MYOZ3: variants seen among roughly 807,000 people sequenced by gnomAD.
The protein encoded by MYOZ3 is myozenin 3.
Under a neutral mutation model 26.5 loss-of-function variants are expected in MYOZ3, and 19 were observed. That is an observed-to-expected ratio of 0.72 (90% CI 0.50 to 1.05). The LOEUF is 1.05. MYOZ3 is among the 50% of genes least tolerant of loss of function. The pLI is 0.00. For synonymous variants in MYOZ3, 135 were observed against 138.8 expected (o/e 0.97, Z 0.19); for missense variants, 322 against 337.1 (o/e 0.96, Z 0.35).
intron 2 of MYOZ3, among the ~76,000 whole-genome samples, chr5:150,666,348 T>C (rs2151444736): frequency 6.6e-6 from 1 of 152,058 alleles, no homozygotes; most frequent in African/African-American, 2.4e-5. Context: ...GCGCGGTGGC[T>C]CACACCTGTA....
intron 6 of MYOZ3, among the ~76,000 whole-genome samples, chr5:150,674,478 A>G (rs934986830): frequency 6.6e-6 from 1 of 152,240 alleles, no homozygotes; most frequent in African/African-American, 2.4e-5. Flanking sequence ...CTGGGCTCCC[A>G]GTCAAGGGCC....
At chr5:150,664,491 A>G (rs999815780) in intron 2 of MYOZ3, among the ~76,000 whole-genome samples, 3 of 152,234 alleles carry the variant, frequency 2.0e-5, no homozygotes, top group Admixed American at 6.5e-5. Context: ...AATAAATCTC[A>G]TAATCTCACT....
chr5:150,672,124 C>G, intron 5 of MYOZ3: 1 of 1,035,144 alleles, frequency 9.7e-7, no homozygotes, highest in Non-Finnish European at 1.5e-6. Context: ...ACCCGCGCTG[C>G]GAACTCGTGG....
chr5:150,672,531 A>G (rs747722620), intron 6 of MYOZ3, 29 bp downstream of exon 6: 2 of 1,530,068 alleles, frequency 1.3e-6, no homozygotes, highest in Non-Finnish European at 1.8e-6. Context: ...CCCGGGGGAC[A>G]GACCGGGAGG....
Position 150,670,487 on chromosome 5 carries a change from C to G in MYOZ3, c.65C>G (p.Pro22Arg), listed in dbSNP as rs143471903. The change falls in exon 3 of 7, where the codon CCT (proline) becomes CGT (arginine). Residue 22 changes from proline (P) to arginine (R), a missense_variant. Pro to Arg is a moderately radical substitution (Grantham distance 103, BLOSUM62 -2). Transcript: ENST00000517768. ...AAMGDLTEPV[P>R]TLDLGKKLSV... Reference sequence around the variant, plus strand: ...CCGCTCTGGCCTTTCCTGGCAGTCCCTACGCTGGACCTGGGCAAGAAGCTG... The same window carrying G: ...CCGCTCTGGCCTTTCCTGGCAGTCCGTACGCTGGACCTGGGCAAGAAGCTG... 52 of 1,609,450 alleles carry G rather than the reference C, an allele frequency of 3.2e-5. No individual in the cohort carries two copies. The African/African-American group carries it at 6.3e-4, about 19-fold the overall frequency.
rs767661186 is a variant in MYOZ3, at chr5:150,671,743, C to T, written c.271-12C>T. The T allele has an allele frequency of 1.2e-5, 20 of 1,613,272 alleles. No homozygotes were observed. The highest frequency in any genetic ancestry group is 1.5e-5 in the Non-Finnish European group (18 of 1,179,928). On this transcript the variant is annotated splice_polypyrimidine_tract_variant and intron_variant, in intron 4 of 6. Transcript: ENST00000517768. Reference sequence around the variant, plus strand: ...TCGTCGGTGGCCTCTGAGAACCCGCCCCTGTGCCCAGGTTGCCAATGCCAA... The same window carrying T: ...TCGTCGGTGGCCTCTGAGAACCCGCTCCTGTGCCCAGGTTGCCAATGCCAA...
Position 150,676,712 on chromosome 5 carries a change from C to T in MYOZ3, c.593C>T (p.Pro198Leu), listed in dbSNP as rs144342660. 34 of 1,613,710 alleles carry T rather than the reference C, an allele frequency of 2.1e-5. No individual in the cohort carries two copies. In the African/African-American group the frequency reaches 2.5e-4, roughly 12 times the overall value. The change falls in exon 7 of 7, where the codon CCG (proline) becomes CTG (leucine). Residue 198 changes from proline to leucine, a missense_variant. Physicochemically the swap from Pro to Leu is moderately conservative, Grantham distance 98. Transcript: ENST00000517768. The part of the protein sequence containing the change: ...PNDYRNFNKT[P>L]VPFGGPLVGG... ...CTGCTGCTCTCTTTCTCCAGGACCC[C>T]GGTGCCATTTGGAGGACCCCTCGTG...
chr5:150,665,740 T>C (rs928663235), intron 2 of MYOZ3, among the ~76,000 whole-genome samples: 1 of 151,852 alleles, frequency 6.6e-6, no homozygotes, highest in South Asian at 2.1e-4. Flanking sequence ...TTTTTTTTTT[T>C]AAATATTGAG....
In MYOZ3 at chr5:150,661,328, C is replaced by G. The variant is rs1368638922; in HGVS notation, c.-101C>G. The G allele has an allele frequency of 6.6e-6, 1 of 152,528 alleles. No individual in the cohort carries two copies. The highest frequency in any genetic ancestry group is 1.5e-5 in the Non-Finnish European group (1 of 68,102). The allele number at this position is 152,528 out of a possible 1,614,324, so 9.4% of individuals were successfully genotyped here. A position where few individuals can be genotyped will look rare whatever the true frequency, so the allele number is the denominator to read the frequency against. On this transcript the variant is annotated 5_prime_UTR_variant, in exon 1 of 7. Transcript: ENST00000517768. Reference sequence around the variant, plus strand: ...CTGCCTACTGACTGCTGACCGCTGACTGCCTACAGGGACGCCACGCAACTC... The same window carrying G: ...CTGCCTACTGACTGCTGACCGCTGAGTGCCTACAGGGACGCCACGCAACTC...
rs145765684 is a variant in MYOZ3 at position 150,671,690 on chromosome 5, GA to G, written c.270+42del. 6,425 of 1,613,718 alleles carry G rather than the reference GA, an allele frequency of 4.0e-3. 83 individuals are homozygous for G. Among genetic ancestry groups the G allele is most frequent in the African/African-American group, 0.035 (2,637 of 75,048 alleles). ...GAGCTCCCTGGAAGGGAAGCTGGGGGAAGGGGAGCGCGGCTGGGGGCGGGAG... is the reference window on the plus strand; with the variant it reads ...GAGCTCCCTGGAAGGGAAGCTGGGGGAGGGGAGCGCGGCTGGGGGCGGGAG... On this transcript the variant is annotated intron_variant, in intron 4 of 6. Coordinates refer to ENST00000517768, the MANE Select transcript of MYOZ3 (RefSeq NM_001122853.3).
chr5:150,673,961 G>A (rs1051415819), intron 6 of MYOZ3, among the ~76,000 whole-genome samples: 1 of 152,132 alleles, frequency 6.6e-6, no homozygotes, highest in Non-Finnish European at 1.5e-5. Context: ...TAAGACAGAC[G>A]GGTGGGCGCC....
chr5:150,672,377 G>C lies in MYOZ3; in HGVS notation c.462G>C (p.Lys154Asn). The C allele has an allele frequency of 1.9e-6, 3 of 1,612,710 alleles. No individual in the cohort carries two copies. In the South Asian group the frequency reaches 3.3e-5, roughly 18 times the overall value. ...AEPLKGVPPE[K>N]FNHTAISKGY... ...CGCTGAAGGGCGTCCCGCCAGAGAA[G>C]TTCAACCACACCGCCATCTCCAAGG... The change falls in exon 6 of 7, where the codon AAG becomes AAC. Residue 154 changes from lysine to asparagine, a missense_variant. Transcript: ENST00000517768.
At chr5:150,662,026 G>A (rs914056637) in intron 1 of MYOZ3, among the ~76,000 whole-genome samples, 2 of 152,208 alleles carry the variant, frequency 1.3e-5, no homozygotes, top group African/African-American at 4.8e-5. Flanking sequence ...ACACCCACTA[G>A]ACTCCAGTTG....
Position 150,676,943 on chromosome 5 carries a change from C to A in MYOZ3, c.*68C>A. 5 of 1,481,988 alleles carry A rather than the reference C, an allele frequency of 3.4e-6. No individual in the cohort carries two copies. The highest frequency in any genetic ancestry group is 1.2e-5 in the South Asian group (1 of 85,530). The allele number at this position is 1,481,988 out of a possible 1,614,324, so 91.8% of individuals were successfully genotyped here. ...AACATCCGGAGCCAAGACTTGTGGACAGCACTTCACAGTTGAAGAAGGGCC... is the reference window on the plus strand; with the variant it reads ...AACATCCGGAGCCAAGACTTGTGGAAAGCACTTCACAGTTGAAGAAGGGCC... On this transcript the variant is annotated 3_prime_UTR_variant, in exon 7 of 7. Transcript: ENST00000517768.
chr5:150,671,678 G>T (rs746435490), intron 4 of MYOZ3, 28 bp downstream of exon 4: 1 of 1,613,682 alleles, frequency 6.2e-7, no homozygotes, highest in Admixed American at 1.7e-5. Context: ...CTCCCTGGAA[G>T]GGAAGCTGGG....
At chr5:150,666,628 A>ATATATATATATATAT (rs1308366694) in intron 2 of MYOZ3, among the ~76,000 whole-genome samples, 1 of 133,128 alleles carries the variant, frequency 7.5e-6, no homozygotes, top group African/African-American at 3.0e-5. Flanking sequence ...AAAAAAAAAA[A>ATATATATATATATAT]AAATATATAT....
chr5:150,667,002 AC>A (rs1337710545), intron 2 of MYOZ3, among the ~76,000 whole-genome samples: 2 of 151,584 alleles, frequency 1.3e-5, no homozygotes, highest in Non-Finnish European at 2.9e-5. Context: ...CAAGTGATCC[AC>A]CCTCCTCTGC....
At chr5:150,670,691 C>A in intron 3 of MYOZ3, 53 bp downstream of exon 3, 1 of 1,537,818 alleles carries the variant, frequency 6.5e-7, no homozygotes, top group Non-Finnish European at 8.8e-7. Flanking sequence ...CAGAGAGCCA[C>A]TGGTTAGCCT....
chr5:150,670,324 C>T (rs1758881490), intron 2 of MYOZ3, 160 bp from the exon 3 acceptor site: 1 of 727,034 alleles, frequency 1.4e-6, no homozygotes, highest in Non-Finnish European at 2.0e-6. Flanking sequence ...CATTTTTGCC[C>T]ATCAGGTGGG....
Sources: gnomAD v4.1 joint callset for allele counts (sites outside exome capture counted in the v4.1 genomes callset) on GRCh38, gnomAD v4.1.1 for gene constraint, MANE v1.5 for transcripts, NCBI Gene and HGNC (gene_info 2026-07-23, HGNC 2026-07-21) for gene names.